The following SLC1A2 variants were observed in gnomAD, a reference collection of about 807,000 sequenced individuals.
The protein encoded by SLC1A2 is excitatory amino acid transporter 2.
SLC1A2 carries 15 observed loss-of-function variants against 48.8 expected under a neutral mutation model. That is an observed-to-expected ratio of 0.31 (90% CI 0.21 to 0.47). SLC1A2 has a LOEUF of 0.47. SLC1A2 is among the 20% of genes least tolerant of loss of function. The pLI, the probability that SLC1A2 is intolerant of heterozygous loss-of-function variation, is 0.99. For missense variants in SLC1A2, 502 were observed against 730.5 expected (o/e 0.69, Z 3.61); for synonymous variants, 279 against 272.6 (o/e 1.02, Z -0.23).
chr11:35,321,197 G>A (rs929426392), intron 1 of SLC1A2, among the ~76,000 whole-genome samples: 1 of 152,120 alleles, frequency 6.6e-6, no homozygotes, highest in Non-Finnish European at 1.5e-5. Flanking sequence ...GAGGGTAACT[G>A]CCCCCATGAT....
At chr11:35,350,648 A>T (rs929003612) in intron 1 of SLC1A2, among the ~76,000 whole-genome samples, 2 of 152,168 alleles carry the variant, frequency 1.3e-5, no homozygotes, top group Admixed American at 6.5e-5. Context: ...GCAAGATAAG[A>T]TTTTATCTCA....
intron 1 of SLC1A2, among the ~76,000 whole-genome samples, chr11:35,340,542 C>A (rs1479448497): frequency 1.3e-5 from 2 of 152,214 alleles, no homozygotes; most frequent in African/African-American, 2.4e-5. Flanking sequence ...CCTACTTCTA[C>A]CCCTTTCTAG....
intron 2 of SLC1A2, chr11:35,315,836 A>G (rs574611559): frequency 1.3e-5 from 2 of 152,148 alleles, no homozygotes; most frequent in Non-Finnish European, 2.9e-5. Context: ...AAGAAAAAGA[A>G]AAAAGAAAGA....
At chr11:35,331,198 T>C (rs1454018962) in intron 1 of SLC1A2, among the ~76,000 whole-genome samples, 1 of 152,328 alleles carries the variant, frequency 6.6e-6, no homozygotes, top group African/African-American at 2.4e-5. Flanking sequence ...CACTTCCTCC[T>C]GCCCTAGAGA....
At position 35,292,322 on chromosome 11, in the gene SLC1A2, G is replaced by A; in HGVS notation, c.1056C>T (p.Phe352=). Residue 352 remains phenylalanine, a synonymous_variant, in exon 7 of 11, where the codon TTC becomes TTT. Coordinates refer to ENST00000278379, the MANE Select transcript of SLC1A2 (RefSeq NM_004171.4). ...KNPFSFFAGI[F]QAWITALGTA... ...TGCCCAGGGCAGTGATCCAAGCTTG[G>A]AAAATGCCAGCAAAAAAGGAGAAGG... The A allele has an allele frequency of 6.2e-7, 1 of 1,613,920 alleles. No individual in the cohort carries two copies. Among genetic ancestry groups the A allele is most frequent in the East Asian group, 2.2e-5 (1 of 44,880 alleles).
intron 1 of SLC1A2, among the ~76,000 whole-genome samples, chr11:35,378,953 G>T (rs1854329384): frequency 6.6e-6 from 1 of 152,232 alleles, no homozygotes; most frequent in Admixed American, 6.5e-5. Context: ...ACATGGCCAG[G>T]CGCAGTGACT....
chr11:35,400,421 C>G (rs537278585), intron 1 of SLC1A2, among the ~76,000 whole-genome samples: 1 of 152,224 alleles, frequency 6.6e-6, no homozygotes, highest in South Asian at 2.1e-4. Flanking sequence ...TATGCTCCCA[C>G]TATAAAAAAT....
In SLC1A2 at chr11:35,313,843, T is replaced by C. The variant is rs547397937; in HGVS notation, c.310+1180A>G. ...CCAGCATTTCAGGTACTGGGGTCAC[T>C]GGTCAACCAGCTGAAGCCTCAACCC... On this transcript the variant is annotated intron_variant, in intron 3 of 10. Coordinates refer to ENST00000278379, the MANE Select transcript of SLC1A2 (RefSeq NM_004171.4). Among the ~76,000 whole-genome samples the C allele has an allele frequency of 2.0e-5, 3 of 152,300 alleles. No individual in the cohort carries two copies. The South Asian group carries it at 6.2e-4, about 32-fold the overall frequency.
chr11:35,331,404 C>T (rs1331014269), intron 1 of SLC1A2, among the ~76,000 whole-genome samples: 1 of 152,206 alleles, frequency 6.6e-6, no homozygotes, highest in Non-Finnish European at 1.5e-5. Context: ...ACTAAACATC[C>T]AGTCCCTGTT....
intron 1 of SLC1A2, among the ~76,000 whole-genome samples, chr11:35,411,242 C>G (rs1257856399): frequency 6.6e-6 from 1 of 152,154 alleles, no homozygotes; most frequent in Non-Finnish European, 1.5e-5. Flanking sequence ...CTTTTCTAGA[C>G]CATATGTTGC....
rs1196765718 is a variant in SLC1A2, at chr11:35,306,131, C to G, written c.673G>C (p.Glu225Gln). 1.2e-6 allele frequency: 2 copies of G among 1,614,064 alleles called. No individual in the cohort carries two copies. Among genetic ancestry groups the G allele is most frequent in the Non-Finnish European group, 1.7e-6 (2 of 1,179,954 alleles). The change falls in exon 5 of 11, where the codon GAG (glutamate) becomes CAG (glutamine). Residue 225 changes from glutamate to glutamine, a missense_variant. Physicochemically the swap from Glu to Gln is conservative, Grantham distance 29. Coordinates refer to ENST00000278379, the MANE Select transcript of SLC1A2 (RefSeq NM_004171.4). ...CCCTTCTTGATAACCATCTTAGTCT[C>G]CTCCGGCACCTCAGTCACAGTCTCG... ...LNETVTEVPE[E>Q]TKMVIKKGLE...
In SLC1A2 at chr11:35,292,270, T is replaced by C. The variant is rs747225827; in HGVS notation, c.1091+17A>G. The C allele has an allele frequency of 3.2e-6, 5 of 1,571,904 alleles. No individual in the cohort carries two copies. The highest frequency in any genetic ancestry group is 4.4e-6 in the Non-Finnish European group (5 of 1,144,874). On this transcript the variant is annotated intron_variant, in intron 7 of 10. Transcript: ENST00000278379. Reference sequence around the variant, plus strand: ...AAAGAGTGAGCAAAGAGAAAGGTGATTTCTTTTGTTCTCTACCTGGAAGCG... The same window carrying C: ...AAAGAGTGAGCAAAGAGAAAGGTGACTTCTTTTGTTCTCTACCTGGAAGCG...
chr11:35,375,842 T>A (rs1056923010), intron 1 of SLC1A2, among the ~76,000 whole-genome samples: 1 of 152,190 alleles, frequency 6.6e-6, no homozygotes, highest in Non-Finnish European at 1.5e-5. Context: ...TACTTCTACT[T>A]GATCTTCACC....
chr11:35,265,570 C>T lies in SLC1A2; in HGVS notation c.1610G>A (p.Cys537Tyr). 2 of 1,610,204 alleles carry T rather than the reference C, an allele frequency of 1.2e-6. No homozygotes were observed. The highest frequency in any genetic ancestry group is 1.7e-6 in the Non-Finnish European group (2 of 1,176,604). The change falls in exon 10 of 11, where the codon TGT becomes TAT. Residue 537 changes from cysteine (C) to tyrosine (Y), a missense_variant. Cys to Tyr is a radical substitution (Grantham distance 194, BLOSUM62 -2). Transcript: ENST00000278379. ...GACAGAGTTGTGTGCAGCATAGACA[C>T]ATTGATTAGAGTTGCTTTCCCTGTG... Reference protein sequence around the residue: ...KNHRESNSNQCVYAAHNSVIV... With the variant: ...KNHRESNSNQYVYAAHNSVIV...
At chr11:35,419,996 G>C (rs1360237562), upstream of SLC1A2, 5 of 465,866 alleles carry the variant, frequency 1.1e-5, no homozygotes, top group East Asian at 3.5e-4. The surrounding 1 kb of genome is among the most constrained non-coding windows in gnomAD (Gnocchi z 5.4). Context: ...AAACACGCGG[G>C]TGGTGCAGCC....
intron 1 of SLC1A2, chr11:35,380,451 T>A (rs1854384923): frequency 5.0e-6 from 2 of 398,484 alleles, no homozygotes; most frequent in South Asian, 2.5e-4. Flanking sequence ...GATCTCTTGT[T>A]AAAGAGTTTT....
At chr11:35,418,781 G>C in intron 1 of SLC1A2, 169 bp downstream of exon 1, 1 of 609,220 alleles carries the variant, frequency 1.6e-6, no homozygotes, top group East Asian at 3.1e-5. Context: ...GCAATCTCCA[G>C]GAAAGAAAAT....
intron 1 of SLC1A2, among the ~76,000 whole-genome samples, chr11:35,330,253 C>T (rs1431530674): frequency 1.3e-5 from 2 of 152,212 alleles, no homozygotes; most frequent in Non-Finnish European, 2.9e-5. Context: ...CTGCACACAA[C>T]CTTCCAGGTA....
chr11:35,340,883 C>T (rs1017994681), intron 1 of SLC1A2, among the ~76,000 whole-genome samples: 9 of 152,072 alleles, frequency 5.9e-5, no homozygotes, highest in Non-Finnish European at 7.3e-5. Flanking sequence ...CCCAGTGTGC[C>T]CCCTGGGATT....
Sources: gnomAD v4.1 joint callset for allele counts (sites outside exome capture counted in the v4.1 genomes callset) on GRCh38, gnomAD v4.1.1 for gene constraint, Gnocchi (gnomAD v3.1) non-coding constraint, MANE v1.5 for transcripts, NCBI Gene and HGNC (gene_info 2026-07-23, HGNC 2026-07-21) for gene names.